The following RAB9B variants were observed in gnomAD, a reference collection of about 807,000 sequenced individuals.
The protein encoded by RAB9B is RAB9B, member RAS oncogene family.
A neutral mutation model predicts 8.9 loss-of-function variants in RAB9B; 1 was observed. The ratio of observed to expected loss-of-function variants is 0.11; its 90% CI spans 0.04 to 0.53. RAB9B has a LOEUF of 0.53. RAB9B is among the 20% of genes least tolerant of loss of function. The pLI is 0.93. For missense variants in RAB9B, 82 were observed against 152.9 expected, an observed-to-expected ratio of 0.54 and a Z score of 2.45; for synonymous variants, 63 against 57.0, an observed-to-expected ratio of 1.10 and a Z score of -0.47.
Position 103,825,206 on chromosome X carries a change from G to A in RAB9B, c.579C>T (p.Gly193=). 1 of 1,209,999 alleles carries A rather than the reference G, an allele frequency of 8.3e-7. No homozygotes were observed. Among genetic ancestry groups the A allele is most frequent in the Non-Finnish European group, 1.1e-6 (1 of 894,705 alleles). Residue 193 remains glycine, a synonymous_variant, in exon 3 of 3, where the codon GGC becomes GGT. Transcript: ENST00000243298. ...AACAGCACGAAGACCCTGCTTTGGA[G>A]CCACTGTTCAAGTCAATGGTGTGAC... ...MLGHTIDLNS[G]SKAGSSCC
chrX:103,805,570 G>A, the RAB9B span, among the ~76,000 whole-genome samples: 2 of 111,591 alleles, frequency 1.8e-5, no homozygotes, highest in Non-Finnish European at 3.8e-5. Flanking sequence ...GTAAAAGCCT[G>A]GTGGAATTCA....
the RAB9B span, among the ~76,000 whole-genome samples, chrX:103,814,402 A>G: frequency 8.9e-6 from 1 of 112,095 alleles, no homozygotes; most frequent in Non-Finnish European, 1.9e-5. Flanking sequence ...GAACAAAGGC[A>G]CAACATACCA....
At chrX:103,816,884 C>T in the RAB9B span, among the ~76,000 whole-genome samples, 2 of 112,232 alleles carry the variant, frequency 1.8e-5, no homozygotes, top group Non-Finnish European at 3.8e-5. Context: ...AATGAGATAC[C>T]TTCTCAAGCC....
the RAB9B span, among the ~76,000 whole-genome samples, chrX:103,800,382 A>G: frequency 9.0e-6 from 1 of 111,536 alleles, no homozygotes; most frequent in Non-Finnish European, 1.9e-5. Flanking sequence ...TGAGTTGTTG[A>G]AACCAAGTGA....
the RAB9B span, among the ~76,000 whole-genome samples, chrX:103,813,744 G>GAAA: frequency 2.0e-3 from 3 of 1,527 alleles, no homozygotes; most frequent in Admixed American, 6.5e-3. Context: ...CAAATGGAAA[G>GAAA]CAAAAAAAAA....
Position 103,822,742 on chromosome X carries a change from T to C in RAB9B, c.*2437A>G, listed in dbSNP as rs942220692. ...ATTTCTAAACCTATATGCACAGTTC[T>C]TGGTACTCACAGATTTCAGCCTTTG... On this transcript the variant is annotated 3_prime_UTR_variant, in exon 3 of 3. Coordinates refer to ENST00000243298, the MANE Select transcript of RAB9B (RefSeq NM_016370.4). 1.8e-5 allele frequency: 2 copies of C among 111,957 alleles called. No individual in the cohort carries two copies. The highest frequency in any genetic ancestry group is 6.5e-5 in the African/African-American group (2 of 30,793). 9.2% of individuals were successfully genotyped at this position (111,957 alleles called of 1,213,427 possible).
At chrX:103,813,407 A>T in the RAB9B span, among the ~76,000 whole-genome samples, 3 of 110,001 alleles carry the variant, frequency 2.7e-5, no homozygotes, top group African/African-American at 9.9e-5. Flanking sequence ...TTTTGCATCT[A>T]TTAAATACTG....
chrX:103,808,855 G>T, the RAB9B span, among the ~76,000 whole-genome samples: 4 of 113,117 alleles, frequency 3.5e-5, no homozygotes, highest in Non-Finnish European at 7.5e-5. Flanking sequence ...CCAAGACCTG[G>T]CTAGCTTGGC....
At chrX:103,796,098 C>T in the RAB9B span, among the ~76,000 whole-genome samples, 1 of 112,014 alleles carries the variant, frequency 8.9e-6, no homozygotes, top group African/African-American at 3.2e-5. Context: ...TAGCGGGTTA[C>T]AACTACTTTA....
intron 1 of RAB9B, among the ~76,000 whole-genome samples, chrX:103,828,305 A>AT (rs201232586): frequency 0.026 from 2,947 of 112,207 alleles, 82 homozygotes; most frequent in African/African-American, 0.09. Context: ...CTTGGTTTAT[A>AT]TACACTCTAC....
At chrX:103,785,078 C>T in the RAB9B span, among the ~76,000 whole-genome samples, 2 of 105,945 alleles carry the variant, frequency 1.9e-5, no homozygotes, top group Admixed American at 1.0e-4. Context: ...TTCTTTCTTT[C>T]TTTTTTTTTT....
intron 1 of RAB9B, among the ~76,000 whole-genome samples, chrX:103,829,602 T>C (rs1157550803): frequency 6.2e-5 from 7 of 112,106 alleles, no homozygotes; most frequent in Non-Finnish European, 1.3e-4. Flanking sequence ...CAATCTACTT[T>C]GCAAAGCTTC....
the RAB9B span, among the ~76,000 whole-genome samples, chrX:103,802,494 A>G: frequency 1.8e-5 from 2 of 111,502 alleles, no homozygotes; most frequent in Non-Finnish European, 3.8e-5. Context: ...AAGCAGGACT[A>G]CAGTTTAGGA....
At chrX:103,787,060 C>T in the RAB9B span, 1 of 279,641 alleles carries the variant, frequency 3.6e-6, no homozygotes, top group Non-Finnish European at 6.3e-6. Context: ...TCTAACTGGA[C>T]AAGAGTCTAA....
At chrX:103,788,387 C>A in the RAB9B span, 2 of 902,822 alleles carry the variant, frequency 2.2e-6, no homozygotes, top group Admixed American at 2.2e-5. Context: ...CTCCATGTGG[C>A]CCCGTAACTC....
chrX:103,831,850 G>T (rs1452796574), intron 1 of RAB9B, among the ~76,000 whole-genome samples: 1 of 110,775 alleles, frequency 9.0e-6, no homozygotes, highest in Non-Finnish European at 1.9e-5. Flanking sequence ...TCTGGCAGCA[G>T]CTCGGGATTA....
chrX:103,776,737 A>G, the RAB9B span: 3 of 360,113 alleles, frequency 8.3e-6, no homozygotes, highest in Non-Finnish European at 1.4e-5. Flanking sequence ...TAGAGAAGGG[A>G]GTATCCCTGA....
chrX:103,830,300 G>A (rs752392217), intron 1 of RAB9B, among the ~76,000 whole-genome samples: 2 of 111,151 alleles, frequency 1.8e-5, no homozygotes, highest in African/African-American at 6.5e-5. Flanking sequence ...CAGTGTAAAA[G>A]CAAATGAAAT....
the RAB9B span, among the ~76,000 whole-genome samples, chrX:103,801,739 T>C: frequency 1.4e-3 from 160 of 112,168 alleles, 1 homozygote; most frequent in African/African-American, 4.9e-3. Flanking sequence ...GTTTTAAACT[T>C]AGGTAGTCAC....
Sources: allele counts gnomAD v4.1 joint callset (sites outside exome capture counted in the v4.1 genomes callset), GRCh38; gene constraint gnomAD v4.1.1; transcripts MANE v1.5; gene names NCBI Gene and HGNC (gene_info 2026-07-23, HGNC 2026-07-21).